Variants in ROBO2 observed in about 807,000 individuals in gnomAD.
ROBO2 encodes the protein roundabout homolog 2.
Under a neutral mutation model 160.8 loss-of-function variants are expected in ROBO2, and 53 were observed. The ratio of observed to expected loss-of-function variants is 0.33; its 90% CI spans 0.26 to 0.41. ROBO2 has a LOEUF of 0.41. Among genes scored for constraint, ROBO2 ranks in the 10% least tolerant of loss-of-function variants. ROBO2 has a pLI of 1.00. For synonymous variants in ROBO2, 664 were observed against 611.7 expected (o/e 1.09, Z -1.26); for missense variants, 1,577 against 1,722.4 (o/e 0.92, Z 1.49).
At chr3:76,229,548 TTAAA>T (rs1332079925) in intron 2 of ROBO2, among the ~76,000 whole-genome samples, 2 of 152,104 alleles carry the variant, frequency 1.3e-5, no homozygotes, top group Non-Finnish European at 2.9e-5. Context: ...AATGAAAGAG[TTAAA>T]TAAAGTATTA....
chr3:77,451,739 T>C (rs2081132092), intron 2 of ROBO2, among the ~76,000 whole-genome samples: 1 of 151,384 alleles, frequency 6.6e-6, no homozygotes, highest in Admixed American at 6.6e-5. Flanking sequence ...GTGATTCTTT[T>C]CAATCATTCT....
At chr3:76,256,448 T>G (rs1706393905) in intron 2 of ROBO2, among the ~76,000 whole-genome samples, 2 of 151,686 alleles carry the variant, frequency 1.3e-5, no homozygotes, top group African/African-American at 4.8e-5. Context: ...GGCTCACACC[T>G]GTAATCCCAG....
In ROBO2 at chr3:76,981,619, C is replaced by T. The variant is rs537834198; in HGVS notation, c.110-116395C>T. Among the ~76,000 whole-genome samples, 4 of 152,142 alleles carry T rather than the reference C, an allele frequency of 2.6e-5. No individual in the cohort carries two copies. The East Asian group carries it at 7.7e-4, about 29-fold the overall frequency. ...CTGTGGGTTTTATTTTTACTCTCTT[C>T]ACAATATCTGTATTTGTCCATTCTT... is the stretch of plus-strand genomic sequence containing the variant. On this transcript the variant is annotated intron_variant, in intron 2 of 26. Transcript: ENST00000487694.
At chr3:76,268,966 A>C (rs1201606253) in intron 2 of ROBO2, among the ~76,000 whole-genome samples, 1 of 152,112 alleles carries the variant, frequency 6.6e-6, no homozygotes, top group East Asian at 1.9e-4. Flanking sequence ...AGTAATTCAA[A>C]TCAGAGATTT....
At chr3:77,265,598 A>G (rs1339928171) in intron 2 of ROBO2, among the ~76,000 whole-genome samples, 1 of 152,200 alleles carries the variant, frequency 6.6e-6, no homozygotes, top group Non-Finnish European at 1.5e-5. Flanking sequence ...TGATGTTAAT[A>G]GAACCATTAG....
intron 2 of ROBO2, among the ~76,000 whole-genome samples, chr3:76,589,420 C>A (rs574474602): frequency 6.6e-6 from 1 of 152,188 alleles, no homozygotes; most frequent in Non-Finnish European, 1.5e-5. Flanking sequence ...CCTGCCTCAG[C>A]CTCCCGAGTA....
chr3:75,967,586 T>C (rs1485216633), intron 2 of ROBO2, among the ~76,000 whole-genome samples: 1 of 151,590 alleles, frequency 6.6e-6, no homozygotes, highest in Admixed American at 6.6e-5. Context: ...CTTACACATT[T>C]ATTTATCCTA....
chr3:76,102,786 G>A (rs2069751335), intron 2 of ROBO2, among the ~76,000 whole-genome samples: 2 of 151,840 alleles, frequency 1.3e-5, no homozygotes, highest in Non-Finnish European at 1.5e-5. Context: ...GCTATAAAGA[G>A]GAAATGAGAT....
intron 2 of ROBO2, among the ~76,000 whole-genome samples, chr3:76,317,261 A>C (rs2072110527): frequency 6.6e-6 from 1 of 152,232 alleles, no homozygotes; most frequent in Admixed American, 6.5e-5. Context: ...TCTGACTTTA[A>C]GTGTTAATTA....
chr3:77,180,068 G>A (rs990884306), intron 2 of ROBO2, among the ~76,000 whole-genome samples: 1 of 151,880 alleles, frequency 6.6e-6, no homozygotes, highest in African/African-American at 2.4e-5. Context: ...TTAATTTGCC[G>A]CCTGGAAAAG....
chr3:77,384,166 C>T (rs1040816175), intron 2 of ROBO2, among the ~76,000 whole-genome samples: 3 of 152,100 alleles, frequency 2.0e-5, no homozygotes, highest in African/African-American at 7.2e-5. Flanking sequence ...TGGGTGGAGA[C>T]TAGTGCTCAA....
chr3:76,323,802 C>T (rs187258279), intron 2 of ROBO2, among the ~76,000 whole-genome samples: 163 of 152,286 alleles, frequency 1.1e-3, no homozygotes, highest in Non-Finnish European at 1.8e-3. Flanking sequence ...CTTCATGACT[C>T]CAGCACATGC....
intron 2 of ROBO2, among the ~76,000 whole-genome samples, chr3:77,232,917 T>A (rs558365983): frequency 1.3e-5 from 2 of 152,326 alleles, no homozygotes; most frequent in Non-Finnish European, 2.9e-5. Context: ...GGTTTAAGCC[T>A]AAAATTATAT....
intron 2 of ROBO2, among the ~76,000 whole-genome samples, chr3:76,922,204 G>A (rs138055836): frequency 0.024 from 3,633 of 152,074 alleles, 73 homozygotes; most frequent in Non-Finnish European, 0.033. Context: ...CCAGCTACTC[G>A]GGAGGCTGAG....
intron 2 of ROBO2, among the ~76,000 whole-genome samples, chr3:76,687,080 T>C (rs1575969712): frequency 6.6e-6 from 1 of 152,104 alleles, no homozygotes; most frequent in Non-Finnish European, 1.5e-5. Flanking sequence ...CGTATTCATG[T>C]ATAGGTTTAA....
intron 2 of ROBO2, chr3:77,317,351 G>C: frequency 2.4e-6 from 2 of 844,614 alleles, no homozygotes; most frequent in Non-Finnish European, 2.0e-6. Context: ...GACCGTCCAC[G>C]CTCATCTCGG....
At chr3:77,142,043 C>G (rs2076747497) in intron 2 of ROBO2, among the ~76,000 whole-genome samples, 1 of 152,172 alleles carries the variant, frequency 6.6e-6, no homozygotes. Context: ...AGTCAGTGAG[C>G]ATTTGGAAGA....
intron 2 of ROBO2, among the ~76,000 whole-genome samples, chr3:77,236,443 G>A (rs1341442393): frequency 1.3e-5 from 2 of 152,156 alleles, no homozygotes; most frequent in African/African-American, 2.4e-5. Context: ...GAATGATGAC[G>A]CATGTCCAAC....
At chr3:77,252,807 CAAAAAAAAAAA>C (rs1182786373) in intron 2 of ROBO2, among the ~76,000 whole-genome samples, 1 of 32,054 alleles carries the variant, frequency 3.1e-5, no homozygotes, top group Non-Finnish European at 5.3e-5. Context: ...GACTCCATCT[CAAAAAAAAAAA>C]AAAAAAAAAA....
Sources: gnomAD v4.1 joint callset for allele counts (sites outside exome capture counted in the v4.1 genomes callset) on GRCh38, gnomAD v4.1.1 for gene constraint, MANE v1.5 for transcripts, NCBI Gene and HGNC (gene_info 2026-07-23, HGNC 2026-07-21) for gene names.